Variants in CSMD1 observed in about 807,000 individuals in gnomAD.
CSMD1 encodes the protein CUB and sushi domain-containing protein 1.
A neutral mutation model predicts 417.5 loss-of-function variants in CSMD1; 213 were observed. The ratio of observed to expected loss-of-function variants is 0.51; its 90% CI spans 0.46 to 0.57. CSMD1 has a LOEUF of 0.57. CSMD1 is among the 20% of genes least tolerant of loss of function. The pLI, the probability that CSMD1 is intolerant of heterozygous loss-of-function variation, is 0.00. For missense variants in CSMD1, 6,923 were observed against 4,529.7 expected, an observed-to-expected ratio of 1.53 and a Z score of -15.17; for synonymous variants, 2,862 against 1,736.8, an observed-to-expected ratio of 1.65 and a Z score of -16.11.
At chr8:3,115,724 G>A (rs1266324535) in intron 42 of CSMD1, among the ~76,000 whole-genome samples, 1 of 152,170 alleles carries the variant, frequency 6.6e-6, no homozygotes, top group Non-Finnish European at 1.5e-5. Context: ...TGTATTTTCA[G>A]TATATAAATA....
chr8:3,884,944 TACAC>T (rs1228777091), intron 5 of CSMD1, among the ~76,000 whole-genome samples: 83 of 148,716 alleles, frequency 5.6e-4, no homozygotes, highest in Non-Finnish European at 9.7e-4. Flanking sequence ...TATATATATA[TACAC>T]ACACACACAC....
At chr8:4,851,340 T>A (rs1801469131) in intron 1 of CSMD1, among the ~76,000 whole-genome samples, 1 of 152,102 alleles carries the variant, frequency 6.6e-6, no homozygotes, top group South Asian at 2.1e-4. Flanking sequence ...CTCGCCCCCT[T>A]TTTAAGCTCC....
chr8:4,903,017 A>T (rs62488160), intron 1 of CSMD1, among the ~76,000 whole-genome samples: 244 of 41,126 alleles, frequency 5.9e-3, no homozygotes, highest in African/African-American at 0.012. Context: ...AATAATAAAT[A>T]AATAAATAAA....
At chr8:4,270,106 T>C (rs1309536737) in intron 3 of CSMD1, among the ~76,000 whole-genome samples, 5 of 152,162 alleles carry the variant, frequency 3.3e-5, no homozygotes, top group African/African-American at 9.7e-5. Flanking sequence ...ATTTCAGCAA[T>C]CTCTTTCTGA....
At chr8:4,695,635 A>G (rs1807079355) in intron 1 of CSMD1, among the ~76,000 whole-genome samples, 2 of 152,022 alleles carry the variant, frequency 1.3e-5, no homozygotes, top group African/African-American at 2.4e-5. Context: ...ATACGCCACC[A>G]AAGAGAGAGG....
chr8:3,396,368 C>A lies in CSMD1; in HGVS notation c.2419G>T (p.Val807Phe). Residue 807 changes from valine to phenylalanine, a missense_variant, in exon 17 of 70, where the codon GTC becomes TTC. Val to Phe is a conservative substitution (Grantham distance 50). Coordinates refer to ENST00000635120, the MANE Select transcript of CSMD1 (RefSeq NM_033225.6). Reference protein sequence around the residue: ...KITFDRFQTEVNYDTLEVRDG... With the variant: ...KITFDRFQTEFNYDTLEVRDG... ...CTGACCTCCAAGGTGTCATAATTGA[C>A]CTCTGTCTGAAATCTGCAAATATAT... The A allele has an allele frequency of 1.3e-6, 2 of 1,586,452 alleles. No individual in the cohort carries two copies. The highest frequency in any genetic ancestry group is 1.8e-5 in the Admixed American group (1 of 56,428).
intron 54 of CSMD1, among the ~76,000 whole-genome samples, chr8:2,995,153 C>A (rs1341868937): frequency 6.6e-6 from 1 of 152,138 alleles, no homozygotes; most frequent in South Asian, 2.1e-4. Context: ...TGACAAATGA[C>A]TATTACACAG....
chr8:4,953,084 T>C (rs1393018496), intron 1 of CSMD1, among the ~76,000 whole-genome samples: 1 of 152,064 alleles, frequency 6.6e-6, no homozygotes, highest in Admixed American at 6.6e-5. Context: ...TTATAGTCCT[T>C]AAAAGAAATA....
intron 50 of CSMD1, among the ~76,000 whole-genome samples, chr8:3,051,936 A>G (rs1364008683): frequency 6.6e-6 from 1 of 152,202 alleles, no homozygotes; most frequent in African/African-American, 2.4e-5. Context: ...TAGACTGTAA[A>G]TAGCTTTCTC....
intron 1 of CSMD1, among the ~76,000 whole-genome samples, chr8:4,659,630 A>G (rs984302991): frequency 2.6e-5 from 4 of 152,136 alleles, no homozygotes; most frequent in African/African-American, 2.4e-5. Flanking sequence ...GCCAGAGTCT[A>G]GGCCATTTCC....
intron 26 of CSMD1, among the ~76,000 whole-genome samples, chr8:3,256,748 A>T (rs534218832): frequency 8.1e-4 from 124 of 152,262 alleles, no homozygotes; most frequent in African/African-American, 2.8e-3. Flanking sequence ...TTAAATCCTG[A>T]CTCAGAAAAG....
chr8:3,701,819 G>A (rs1490106599), intron 7 of CSMD1, among the ~76,000 whole-genome samples: 1 of 152,126 alleles, frequency 6.6e-6, no homozygotes, highest in Non-Finnish European at 1.5e-5. Flanking sequence ...TTTAAAATCT[G>A]CCCTTCCAAA....
intron 3 of CSMD1, among the ~76,000 whole-genome samples, chr8:4,089,091 G>A (rs935361867): frequency 3.3e-5 from 5 of 152,152 alleles, no homozygotes; most frequent in Admixed American, 6.5e-5. Context: ...GTACCATGTA[G>A]GATTCAGGAA....
chr8:3,289,543 T>G (rs1563230604), intron 25 of CSMD1, among the ~76,000 whole-genome samples: 1 of 144,570 alleles, frequency 6.9e-6, no homozygotes, highest in Admixed American at 6.9e-5. Context: ...TGGTATCTCA[T>G]TGTGGTTTTG....
chr8:4,401,075 A>G (rs906962200), intron 3 of CSMD1, among the ~76,000 whole-genome samples: 2 of 152,176 alleles, frequency 1.3e-5, no homozygotes, highest in Admixed American at 1.3e-4. Flanking sequence ...TTTTAAGAAA[A>G]TGAGTTTTTA....
intron 3 of CSMD1, among the ~76,000 whole-genome samples, chr8:4,052,830 G>A (rs1798502108): frequency 6.6e-6 from 1 of 152,094 alleles, no homozygotes; most frequent in Non-Finnish European, 1.5e-5. Context: ...TTGGGGCAGG[G>A]CCTAGGTAAA....
At chr8:4,368,419 G>A (rs559674951) in intron 3 of CSMD1, among the ~76,000 whole-genome samples, 86 of 152,210 alleles carry the variant, frequency 5.7e-4, no homozygotes, top group African/African-American at 2.0e-3. Flanking sequence ...AGGAATATTT[G>A]CCAGAAGATT....
chr8:4,974,474 A>G, intron 1 of CSMD1, among the ~76,000 whole-genome samples: 1 of 151,518 alleles, frequency 6.6e-6, no homozygotes, highest in East Asian at 1.9e-4. Context: ...TATATAAATC[A>G]CTACATGTTG....
chr8:4,008,603 T>C (rs1347856915), intron 4 of CSMD1, among the ~76,000 whole-genome samples: 3 of 54,880 alleles, frequency 5.5e-5, no homozygotes, highest in Non-Finnish European at 8.1e-5. Flanking sequence ...TTTTTTTCTT[T>C]TTTTTTTTTT....
Sources: allele counts gnomAD v4.1 joint callset (sites outside exome capture counted in the v4.1 genomes callset), GRCh38; gene constraint gnomAD v4.1.1; transcripts MANE v1.5; gene names NCBI Gene and HGNC (gene_info 2026-07-23, HGNC 2026-07-21).